The following ADAMTS7 variants were observed in gnomAD, a reference collection of about 807,000 sequenced individuals.
ADAMTS7 encodes the protein ADAM metallopeptidase with thrombospondin type 1 motif 7, also known as A disintegrin and metalloproteinase with thrombospondin motifs 7.
ADAMTS7 carries 89 observed loss-of-function variants against 172.6 expected under a neutral mutation model. The ratio of observed to expected loss-of-function variants is 0.52; its 90% confidence interval spans 0.43 to 0.61. The LOEUF (loss-of-function observed/expected upper bound fraction) is 0.61, where lower values mean the gene tolerates loss of function less well. ADAMTS7 is among the 20% of genes least tolerant of loss of function. The probability of loss-of-function intolerance (pLI) is 0.00; values close to 1 mark genes in which losing one functional copy is unlikely to be tolerated. For synonymous variants in ADAMTS7, 885 were observed against 978.4 expected, an observed-to-expected ratio of 0.90 and a Z score of 1.78; for missense variants, 1,973 against 2,355.6, an observed-to-expected ratio of 0.84 and a Z score of 3.36.
At chr15:78,777,398 T>C in intron 9 of ADAMTS7, 46 bp downstream of exon 9, 1 of 1,592,336 alleles carries the variant, frequency 6.3e-7, no homozygotes, top group Non-Finnish European at 8.5e-7. Flanking sequence ...CCCTGAGCCC[T>C]CCTGCCGGGT....
intron 1 of ADAMTS7, chr15:78,810,616 C>T (rs1865271993): frequency 6.6e-6 from 1 of 152,442 alleles, no homozygotes; most frequent in Non-Finnish European, 1.5e-5. Context: ...GGGGCCGCGC[C>T]AGCAGCCCAG....
At position 78,775,740 on chromosome 15, in the gene ADAMTS7, C is replaced by G. The variant is rs560416075; in HGVS notation, c.1706+448G>C. ...TACAGATGAGCTGCAGGGCTGAGGG[C>G]CTGGCCTGCATAAACTGCATTTGCC... On this transcript the variant is annotated intron_variant, in intron 11 of 23. Transcript: ENST00000388820. Among the ~76,000 whole-genome samples, 133 of 152,342 alleles carry G rather than the reference C, an allele frequency of 8.7e-4. 4 individuals are homozygous for G. In the South Asian group the frequency reaches 0.016, roughly 19 times the overall value.
intron 13 of ADAMTS7, 135 bp downstream of exon 13, chr15:78,774,032 G>A (rs2055296630): frequency 1.4e-6 from 2 of 1,401,568 alleles, no homozygotes; most frequent in Admixed American, 2.2e-5. Context: ...AGGAGGACCA[G>A]GAGGGACCCA....
intron 1 of ADAMTS7, 142 bp from the exon 2 acceptor site, chr15:78,800,689 A>C: frequency 1.4e-6 from 1 of 729,206 alleles, no homozygotes; most frequent in Non-Finnish European, 2.3e-6. Context: ...CTATCTACTA[A>C]CTCTGCTATT....
chr15:78,800,650 A>C, intron 1 of ADAMTS7, 103 bp from the exon 2 acceptor site: 1 of 1,053,402 alleles, frequency 9.5e-7, no homozygotes. Context: ...TGCTGGAGTC[A>C]GAGTATCTGG....
rs1337472616 is a variant in ADAMTS7 at position 78,764,608 on chromosome 15, G to A, written c.4366C>T (p.Arg1456Cys). ...GCACAGGGCCGCAGGTGGCAGCGGC[G>A]GGCAGGCTGGGGCCGGCCAGCGGGG... Reference protein sequence around the residue: ...CAPAGRPQPARRCHLRPCATW... With the variant: ...CAPAGRPQPACRCHLRPCATW... Residue 1456 changes from arginine to cysteine, a missense_variant, in exon 20 of 24, where the codon CGC becomes TGC. Transcript: ENST00000388820. The A allele has an allele frequency of 5.8e-6, 9 of 1,550,902 alleles. No homozygotes were observed. The highest frequency in any genetic ancestry group is 2.4e-5 in the East Asian group (1 of 42,152).
chr15:78,784,750 T>C (rs1011055501), intron 8 of ADAMTS7, among the ~76,000 whole-genome samples: 4 of 152,004 alleles, frequency 2.6e-5, no homozygotes, highest in African/African-American at 9.7e-5. Flanking sequence ...ATCACAATGG[T>C]ATGGGACCTC....
At chr15:78,805,076 G>A (rs181182266) in intron 1 of ADAMTS7, among the ~76,000 whole-genome samples, 5 of 152,300 alleles carry the variant, frequency 3.3e-5, no homozygotes, top group African/African-American at 1.2e-4. Context: ...CCAGGGCTCT[G>A]GGGGCCCTAG....
At chr15:78,791,675 C>T (rs933674693) in intron 4 of ADAMTS7, among the ~76,000 whole-genome samples, 1 of 152,236 alleles carries the variant, frequency 6.6e-6, no homozygotes, top group African/African-American at 2.4e-5. Context: ...CCAGGACCAG[C>T]ATCCCAGGAG....
chr15:78,790,220 A>G (rs911732556), intron 6 of ADAMTS7, among the ~76,000 whole-genome samples: 1 of 152,292 alleles, frequency 6.6e-6, no homozygotes, highest in African/African-American at 2.4e-5. Flanking sequence ...CATCCTTCTG[A>G]TGGGACAGAT....
chr15:78,770,294 A>G (rs1202221615), intron 16 of ADAMTS7, among the ~76,000 whole-genome samples: 3 of 151,674 alleles, frequency 2.0e-5, no homozygotes, highest in Non-Finnish European at 4.4e-5. Context: ...TCACTTTGTC[A>G]TCATAATAGC....
chr15:78,801,522 A>T (rs569247509), intron 1 of ADAMTS7, among the ~76,000 whole-genome samples: 1 of 151,538 alleles, frequency 6.6e-6, no homozygotes, highest in East Asian at 1.9e-4. Flanking sequence ...TAAAATTGCA[A>T]CTCCCTAGCT....
chr15:78,777,912 G>C (rs1453891687), intron 8 of ADAMTS7, among the ~76,000 whole-genome samples: 2 of 152,172 alleles, frequency 1.3e-5, no homozygotes, highest in Non-Finnish European at 2.9e-5. Context: ...CCTGCTCTCC[G>C]ACCCTGCAGC....
At chr15:78,778,096 A>G (rs12907764) in intron 8 of ADAMTS7, among the ~76,000 whole-genome samples, 50,455 of 151,848 alleles carry the variant, frequency 0.33, 8,821 homozygotes, top group Middle Eastern at 0.42. Context: ...GCCCAGGGCA[A>G]CCATGCCTGT....
At chr15:78,763,903 C>A (rs750853487) in intron 21 of ADAMTS7, 23 bp downstream of exon 21, 19 of 1,559,740 alleles carry the variant, frequency 1.2e-5, no homozygotes, top group Non-Finnish European at 1.6e-5. Context: ...TCCCCTCCCC[C>A]CAACTCAACG....
At chr15:78,783,974 T>G (rs2055467507) in intron 8 of ADAMTS7, among the ~76,000 whole-genome samples, 1 of 152,098 alleles carries the variant, frequency 6.6e-6, no homozygotes, top group Non-Finnish European at 1.5e-5. Context: ...AATGTATATT[T>G]AGTGAATGAG....
intron 1 of ADAMTS7, among the ~76,000 whole-genome samples, chr15:78,808,009 C>A (rs1337095694): frequency 6.6e-6 from 1 of 151,956 alleles, no homozygotes; most frequent in African/African-American, 2.4e-5. Flanking sequence ...CGTGGACTAC[C>A]AGGCCTGGAT....
At chr15:78,777,889 G>A (rs773968201) in intron 8 of ADAMTS7, among the ~76,000 whole-genome samples, 75 of 152,316 alleles carry the variant, frequency 4.9e-4, no homozygotes, top group Admixed American at 1.2e-3. Context: ...GGACCACCAA[G>A]CCGTCATGTG....
At chr15:78,763,381 T>C (rs564854089) in intron 22 of ADAMTS7, among the ~76,000 whole-genome samples, 11 of 152,246 alleles carry the variant, frequency 7.2e-5, no homozygotes, top group East Asian at 5.8e-4. Flanking sequence ...CCCGGCCCCC[T>C]CAAGCTCGTC....
Sources: allele counts gnomAD v4.1 joint callset (sites outside exome capture counted in the v4.1 genomes callset), GRCh38; gene constraint gnomAD v4.1.1; transcripts MANE v1.5; gene names NCBI Gene and HGNC (gene_info 2026-07-23, HGNC 2026-07-21).